Variants in KCNQ5 observed in about 807,000 individuals in gnomAD.
KCNQ5 encodes potassium voltage-gated channel subfamily KQT member 5.
In KCNQ5, 30 loss-of-function variants were observed where a neutral mutation model predicts 98.2. That is an observed-to-expected ratio of 0.31 (90% CI 0.23 to 0.41). KCNQ5 has a LOEUF of 0.41. KCNQ5 is among the 10% of genes least tolerant of loss of function. The probability of loss-of-function intolerance (pLI) is 1.00; values close to 1 mark genes in which losing one functional copy is unlikely to be tolerated. For missense variants in KCNQ5, 835 were observed against 1,182.5 expected (o/e 0.71, Z 4.31); for synonymous variants, 458 against 449.4 (o/e 1.02, Z -0.24).
chr6:72,998,722 G>A (rs1769422891), intron 1 of KCNQ5, among the ~76,000 whole-genome samples: 1 of 151,376 alleles, frequency 6.6e-6, no homozygotes, highest in Non-Finnish European at 1.5e-5. Context: ...GGGCGACAGA[G>A]TGAGACTCCA....
chr6:72,880,592 A>C (rs1404382064), intron 1 of KCNQ5, among the ~76,000 whole-genome samples: 1 of 152,206 alleles, frequency 6.6e-6, no homozygotes, highest in Non-Finnish European at 1.5e-5. Context: ...AATGAAGGTT[A>C]CAGACATATG....
chr6:72,817,447 G>A (rs1775555140), intron 1 of KCNQ5, among the ~76,000 whole-genome samples: 1 of 152,130 alleles, frequency 6.6e-6, no homozygotes, highest in Admixed American at 6.6e-5. Flanking sequence ...TACAAAGGCA[G>A]CAAAAATGCA....
At chr6:72,768,355 A>G (rs1374952290) in intron 1 of KCNQ5, among the ~76,000 whole-genome samples, 2 of 151,940 alleles carry the variant, frequency 1.3e-5, no homozygotes, top group African/African-American at 4.8e-5. Flanking sequence ...GATGGAGGAG[A>G]GAAAAGGTGA....
chr6:73,030,159 A>C (rs1179378541), intron 2 of KCNQ5, among the ~76,000 whole-genome samples: 1 of 152,164 alleles, frequency 6.6e-6, no homozygotes, highest in African/African-American at 2.4e-5. Context: ...AATTTTCCTT[A>C]ATTTTGAAAG....
intron 10 of KCNQ5, among the ~76,000 whole-genome samples, chr6:73,139,451 A>G (rs975261911): frequency 7.4e-4 from 113 of 152,312 alleles, no homozygotes; most frequent in African/African-American, 2.6e-3. Flanking sequence ...TGATATAGCC[A>G]AGAAACCTCT....
At chr6:72,678,797 G>A (rs7776215) in intron 1 of KCNQ5, among the ~76,000 whole-genome samples, 19,412 of 151,972 alleles carry the variant, frequency 0.13, 1,333 homozygotes, top group South Asian at 0.19. Context: ...TTCCATATTT[G>A]ATTTTCTGCT....
intron 9 of KCNQ5, among the ~76,000 whole-genome samples, chr6:73,130,367 G>C (rs1044033696): frequency 1.1e-4 from 17 of 152,192 alleles, no homozygotes; most frequent in Non-Finnish European, 2.2e-4. Flanking sequence ...CTAGAGATGA[G>C]AGAATTCTCT....
chr6:73,007,380 C>A (rs563159067), intron 2 of KCNQ5, among the ~76,000 whole-genome samples: 1 of 152,138 alleles, frequency 6.6e-6, no homozygotes, highest in Non-Finnish European at 1.5e-5. Context: ...GAAAATCACT[C>A]CACTGTGCCT....
Position 72,921,619 on chromosome 6 carries a change from G to A in KCNQ5, c.399-82289G>A, listed in dbSNP as rs1014458169. The stretch of plus-strand genomic sequence containing the variant: ...TCAGTTTCCTCCTCAGTAAAATTGG[G>A]AAGGGAAAATAAGAGAATCTACTTC... On this transcript the variant is annotated intron_variant, in intron 1 of 13. Transcript: ENST00000370398. 2.0e-5 allele frequency among the ~76,000 whole-genome samples: 3 copies of A among 152,164 alleles called. No homozygotes were observed. The South Asian group carries it at 6.2e-4, about 32-fold the overall frequency.
chr6:72,854,940 C>T (rs1033154577), intron 1 of KCNQ5, among the ~76,000 whole-genome samples: 1 of 151,914 alleles, frequency 6.6e-6, no homozygotes, highest in Non-Finnish European at 1.5e-5. Context: ...GCAAATGGCT[C>T]TTGATATTGA....
intron 1 of KCNQ5, among the ~76,000 whole-genome samples, chr6:72,683,669 C>T (rs1028099316): frequency 1.3e-5 from 2 of 151,608 alleles, no homozygotes; most frequent in African/African-American, 4.8e-5. Flanking sequence ...GCCTGGCCCA[C>T]ATATACTTTT....
intron 1 of KCNQ5, among the ~76,000 whole-genome samples, chr6:72,903,335 C>A (rs1401377336): frequency 2.0e-5 from 3 of 151,888 alleles, no homozygotes; most frequent in Admixed American, 6.6e-5. Flanking sequence ...TCATTTAGTT[C>A]TGCTCTGATT....
intron 1 of KCNQ5, among the ~76,000 whole-genome samples, chr6:72,965,562 C>T (rs777876095): frequency 1.4e-4 from 22 of 152,130 alleles, no homozygotes; most frequent in Non-Finnish European, 3.1e-4. Context: ...ATTATGGCCT[C>T]ATCGGGAATG....
At chr6:73,064,160 C>G (rs138109079) in intron 3 of KCNQ5, among the ~76,000 whole-genome samples, 53 of 152,230 alleles carry the variant, frequency 3.5e-4, no homozygotes, top group African/African-American at 1.3e-3. Context: ...CTGAAGATAT[C>G]CTTTCAAAAA....
At chr6:73,044,146 G>A (rs905257892) in intron 3 of KCNQ5, among the ~76,000 whole-genome samples, 30 of 152,214 alleles carry the variant, frequency 2.0e-4, no homozygotes, top group Middle Eastern at 3.4e-3. Context: ...TGGGCATGGT[G>A]GCATACACCT....
intron 1 of KCNQ5, among the ~76,000 whole-genome samples, chr6:72,882,762 C>T (rs975708975): frequency 5.3e-5 from 8 of 152,246 alleles, no homozygotes; most frequent in Admixed American, 1.3e-4. Context: ...GATCAGCACA[C>T]ATCATATACA....
At chr6:72,687,236 A>C (rs141801619) in intron 1 of KCNQ5, among the ~76,000 whole-genome samples, 2 of 152,204 alleles carry the variant, frequency 1.3e-5, no homozygotes, top group African/African-American at 4.8e-5. Context: ...TTCCACTGAC[A>C]TTGATTGTCT....
At chr6:72,702,537 AT>A in intron 1 of KCNQ5, among the ~76,000 whole-genome samples, 1 of 152,298 alleles carries the variant, frequency 6.6e-6, no homozygotes, top group Middle Eastern at 3.4e-3. Flanking sequence ...GTAGAGAAAG[AT>A]GTGTTTTTAA....
chr6:72,838,630 T>C (rs1776621269), intron 1 of KCNQ5, among the ~76,000 whole-genome samples: 1 of 152,200 alleles, frequency 6.6e-6, no homozygotes, highest in African/African-American at 2.4e-5. Flanking sequence ...TGTTATTATA[T>C]ATTTTATTCT....
Sources: gnomAD v4.1 joint callset for allele counts (sites outside exome capture counted in the v4.1 genomes callset) on GRCh38, gnomAD v4.1.1 for gene constraint, MANE v1.5 for transcripts, NCBI Gene and HGNC (gene_info 2026-07-23, HGNC 2026-07-21) for gene names.